VPS13D: variants seen among roughly 807,000 people sequenced by gnomAD.
VPS13D encodes the protein vacuolar protein sorting 13 homolog D.
VPS13D carries 187 observed loss-of-function variants against 461.9 expected under a neutral mutation model. That is an observed-to-expected ratio of 0.40 (90% CI 0.36 to 0.46). The LOEUF is 0.46. Ranked by LOEUF, VPS13D falls within the 20% of genes least tolerant of loss-of-function variation. The pLI is 0.60. For missense variants in VPS13D, 4,711 were observed against 5,364.9 expected (o/e 0.88, Z 3.81); for synonymous variants, 1,951 against 1,986.3 (o/e 0.98, Z 0.47).
chr1:12,378,983 C>G (rs1644238095), intron 56 of VPS13D, among the ~76,000 whole-genome samples: 1 of 152,018 alleles, frequency 6.6e-6, no homozygotes, highest in Non-Finnish European at 1.5e-5. Flanking sequence ...TGAATAAATC[C>G]TTGGATTCAA....
At chr1:12,490,179 G>T (rs993557570) in intron 67 of VPS13D, among the ~76,000 whole-genome samples, 1 of 152,216 alleles carries the variant, frequency 6.6e-6, no homozygotes, top group Admixed American at 6.5e-5. Flanking sequence ...CAAACCATTT[G>T]CAGGGCTCTA....
At chr1:12,330,078 A>G (rs962218187) in intron 37 of VPS13D, among the ~76,000 whole-genome samples, 160 bp downstream of exon 37, 1 of 152,180 alleles carries the variant, frequency 6.6e-6, no homozygotes, top group Admixed American at 6.5e-5. Context: ...GAAAATAAGG[A>G]TTTTCTGTTG....
chr1:12,448,314 T>G (rs1365118719), intron 65 of VPS13D, among the ~76,000 whole-genome samples: 1 of 152,204 alleles, frequency 6.6e-6, no homozygotes, highest in Non-Finnish European at 1.5e-5. Flanking sequence ...CATTATAATC[T>G]ATCTCCTGGT....
chr1:12,462,500 A>T (rs1009225637), intron 67 of VPS13D, among the ~76,000 whole-genome samples: 58 of 152,228 alleles, frequency 3.8e-4, no homozygotes, highest in African/African-American at 1.4e-3. Context: ...TGATTTACAA[A>T]TGAGGACAAG....
intron 67 of VPS13D, among the ~76,000 whole-genome samples, chr1:12,472,465 G>A (rs760720897): frequency 2.0e-5 from 3 of 152,190 alleles, no homozygotes; most frequent in Non-Finnish European, 4.4e-5. Context: ...GGCCTTCAGA[G>A]CTACTTGCTG....
chr1:12,235,982 T>G (rs1234603011), intron 2 of VPS13D, among the ~76,000 whole-genome samples: 1 of 152,198 alleles, frequency 6.6e-6, no homozygotes, highest in Non-Finnish European at 1.5e-5. Context: ...AATGAGTAAA[T>G]AGAAATGGAT....
intron 67 of VPS13D, among the ~76,000 whole-genome samples, chr1:12,494,409 T>C (rs1447043452): frequency 6.6e-6 from 1 of 152,226 alleles, no homozygotes; most frequent in Non-Finnish European, 1.5e-5. Context: ...GGGAGTCCAC[T>C]GAGTCAGGAA....
At position 12,362,628 on chromosome 1, in the gene VPS13D, A is replaced by G. The variant is rs200425785; in HGVS notation, c.10142-92A>G. On this transcript the variant is annotated intron_variant, in intron 50 of 69. Coordinates refer to ENST00000620676, the MANE Select transcript of VPS13D (RefSeq NM_015378.4). ...GTGATACAGTTATTTTCTCAGAGAA[A>G]CTAAGTAACTGTGAAGGTTATTTAT... 9.1e-5 allele frequency: 116 copies of G among 1,271,032 alleles called. No homozygotes were observed. In the African/African-American group the frequency reaches 1.5e-3, roughly 17 times the overall value. The allele number at this position is 1,271,032 out of a possible 1,614,324, so 78.7% of individuals were successfully genotyped here.
At chr1:12,376,517 T>C (rs1442727835) in intron 55 of VPS13D, among the ~76,000 whole-genome samples, 2 of 152,214 alleles carry the variant, frequency 1.3e-5, no homozygotes, top group African/African-American at 2.4e-5. Context: ...ATTACACTTA[T>C]CACAAAAACC....
chr1:12,413,746 A>G (rs1644760947), intron 63 of VPS13D, among the ~76,000 whole-genome samples: 1 of 151,458 alleles, frequency 6.6e-6, no homozygotes, highest in Non-Finnish European at 1.5e-5. Context: ...TGCTGGGATT[A>G]CAGGCATGAG....
rs779718055 is a variant in VPS13D at position 12,318,218 on chromosome 1, G to A, written c.7295G>A (p.Arg2432His). Residue 2432 changes from arginine (R) to histidine (H), a missense_variant, in exon 31 of 70, where the codon CGT becomes CAT. This residue lies in a region of VPS13D where 4,411 missense variants were observed against 4,937.8 expected (regional missense o/e 0.89). Transcript: ENST00000620676. ...AATCATGTTACTCCTTCTCGCCACC[G>A]TAACTCTAGCAGCGAATCTGCTATA... ...KQNHVTPSRH[R>H]NSSSESAIVP... is the part of the protein sequence containing the mutation. 1.4e-5 allele frequency: 22 copies of A among 1,614,132 alleles called. No individual in the cohort carries two copies. Among genetic ancestry groups the A allele is most frequent in the South Asian group, 7.7e-5 (7 of 91,076 alleles).
chr1:12,364,353 A>G (rs1403562251), intron 52 of VPS13D, among the ~76,000 whole-genome samples: 2 of 152,156 alleles, frequency 1.3e-5, no homozygotes, highest in Admixed American at 6.5e-5. Flanking sequence ...TTAGCATAAT[A>G]TTGTCAATGT....
rs1641609515 is a variant in VPS13D, at chr1:12,276,297, C to T, written c.2709C>T (p.Thr903=). The change falls in exon 19 of 70, where the codon ACC becomes ACT. Residue 903 remains threonine (T), a synonymous_variant. Transcript: ENST00000620676. The surrounding 1 kb of genome is among the most constrained non-coding windows in gnomAD (Gnocchi z 4.5). ...AGAATTGCTTTGCTCTCCTCACCAC[C>T]CCAGAAATGAAAACTTCTGACACTC... ...ALKNCFALLT[T]PEMKTSDTQI... 6.2e-7 allele frequency: 1 copy of T among 1,614,134 alleles called. No homozygotes were observed. The highest frequency in any genetic ancestry group is 8.5e-7 in the Non-Finnish European group (1 of 1,180,018).
intron 67 of VPS13D, among the ~76,000 whole-genome samples, chr1:12,492,513 G>C (rs1483399026): frequency 6.6e-6 from 1 of 152,210 alleles, no homozygotes; most frequent in African/African-American, 2.4e-5. Context: ...AATACCAAGT[G>C]TTGGATATAG....
At chr1:12,378,629 T>C (rs1171638777) in intron 56 of VPS13D, 38 bp downstream of exon 56, 1 of 1,478,082 alleles carries the variant, frequency 6.8e-7, no homozygotes, top group East Asian at 2.5e-5. Flanking sequence ...AGCTCATTGC[T>C]TTCAAATTCA....
At chr1:12,307,894 A>T (rs1642612903) in intron 26 of VPS13D, among the ~76,000 whole-genome samples, 1 of 151,996 alleles carries the variant, frequency 6.6e-6, no homozygotes, top group African/African-American at 2.4e-5. Context: ...TTTGGTGGGG[A>T]GAGTGGTTTT....
intron 65 of VPS13D, among the ~76,000 whole-genome samples, chr1:12,427,677 T>C (rs1444035592): frequency 6.6e-6 from 1 of 152,186 alleles, no homozygotes; most frequent in East Asian, 1.9e-4. Context: ...CACACTATTT[T>C]ATATCAGGGA....
At chr1:12,300,113 A>C (rs1642382458) in intron 25 of VPS13D, among the ~76,000 whole-genome samples, 2 of 151,202 alleles carry the variant, frequency 1.3e-5, no homozygotes, top group African/African-American at 4.9e-5. Flanking sequence ...ATAGAACCTT[A>C]GGAGGGTATC....
At position 12,377,063 on chromosome 1, in the gene VPS13D, C is replaced by CT. The variant is rs1257411547; in HGVS notation, c.10918-1352dup. ...AATGAGTTTTTTTCTTTTTTTCTTT[C>CT]TTTTTTTTTTTTTGAGACGGAGTTT... is the stretch of plus-strand genomic sequence containing the variant. On this transcript the variant is annotated intron_variant, in intron 55 of 69. Coordinates refer to ENST00000620676, the MANE Select transcript of VPS13D (RefSeq NM_015378.4). Among the ~76,000 whole-genome samples, 721 of 143,760 alleles carry CT rather than the reference C, an allele frequency of 5.0e-3. 4 individuals are homozygous for CT. Among genetic ancestry groups the CT allele is most frequent in the African/African-American group, 0.014 (548 of 39,482 alleles). The allele number at this position is 143,760 out of a possible 152,430, so 94.3% of individuals were successfully genotyped here.
Sources: gnomAD v4.1 joint callset for allele counts (sites outside exome capture counted in the v4.1 genomes callset) on GRCh38, gnomAD v4.1.1 for gene constraint, gnomAD v4.1.1 regional missense constraint, Gnocchi (gnomAD v3.1) non-coding constraint, MANE v1.5 for transcripts, NCBI Gene and HGNC (gene_info 2026-07-23, HGNC 2026-07-21) for gene names.